Variants in TBC1D22A observed in about 807,000 individuals in gnomAD.
The protein encoded by TBC1D22A is putative GTPase activator.
A neutral mutation model predicts 60.2 loss-of-function variants in TBC1D22A; 38 were observed. The observed-to-expected ratio is 0.63, with a 90% CI of 0.49 to 0.83. The LOEUF (loss-of-function observed/expected upper bound fraction) is 0.83, where lower values mean the gene tolerates loss of function less well. Among genes scored for constraint, TBC1D22A ranks in the 40% least tolerant of loss-of-function variants. The probability of loss-of-function intolerance (pLI) is 0.00; values close to 1 mark genes in which losing one functional copy is unlikely to be tolerated. For missense variants in TBC1D22A, 628 were observed against 701.0 expected, an observed-to-expected ratio of 0.90 and a Z score of 1.18; for synonymous variants, 302 against 281.7, an observed-to-expected ratio of 1.07 and a Z score of -0.72.
chr22:46,871,941 A>G (rs1289112853), intron 4 of TBC1D22A, among the ~76,000 whole-genome samples: 1 of 152,164 alleles, frequency 6.6e-6, no homozygotes, highest in Non-Finnish European at 1.5e-5. Flanking sequence ...AGAAAAAGAG[A>G]AAAAACAAGT....
rs972174985 is a variant in TBC1D22A at position 47,056,169 on chromosome 22, T to TGGGCC, written c.1329+18981_1329+18985dup. Reference sequence around the variant, plus strand: ...TCTCAGGAAGAGTGTGTGTGGGTGGTGGGCCGGGCCGGGCTGGGTAACGCT... The same window carrying TGGGCC: ...TCTCAGGAAGAGTGTGTGTGGGTGGTGGGCCGGGCCGGGCCGGGCTGGGTAACGCT... On this transcript the variant is annotated intron_variant, in intron 11 of 12. Coordinates refer to ENST00000337137, the MANE Select transcript of TBC1D22A (RefSeq NM_014346.5). Among the ~76,000 whole-genome samples, 8 of 151,942 alleles carry TGGGCC rather than the reference T, an allele frequency of 5.3e-5. No individual in the cohort carries two copies. The South Asian group carries it at 8.3e-4, about 16-fold the overall frequency.
intron 12 of TBC1D22A, among the ~76,000 whole-genome samples, chr22:47,140,310 G>A (rs1322832149): frequency 2.6e-5 from 4 of 152,066 alleles, no homozygotes; most frequent in Non-Finnish European, 5.9e-5. Flanking sequence ...GGTGGCTCAC[G>A]CCTGTAATCC....
intron 12 of TBC1D22A, among the ~76,000 whole-genome samples, chr22:47,133,224 A>G (rs1477200243): frequency 9.9e-5 from 15 of 152,258 alleles, no homozygotes; most frequent in Non-Finnish European, 5.9e-5. Flanking sequence ...CTTAGAAACC[A>G]TAGCCAGTTT....
At chr22:46,834,685 A>T (rs2086444706) in intron 4 of TBC1D22A, among the ~76,000 whole-genome samples, 1 of 152,224 alleles carries the variant, frequency 6.6e-6, no homozygotes, top group Non-Finnish European at 1.5e-5. Context: ...ATGGAACTCA[A>T]CAAAGGGCTA....
chr22:47,104,817 CT>C (rs2065567883), intron 11 of TBC1D22A, among the ~76,000 whole-genome samples: 1 of 152,042 alleles, frequency 6.6e-6, no homozygotes, highest in Admixed American at 6.5e-5. Flanking sequence ...TGGACATTTC[CT>C]TTCTATTATC....
chr22:46,951,635 C>T (rs1487763203), intron 8 of TBC1D22A, among the ~76,000 whole-genome samples: 1 of 152,156 alleles, frequency 6.6e-6, no homozygotes, highest in Non-Finnish European at 1.5e-5. Context: ...GAGCTGAGCA[C>T]CTTGTGTCAG....
intron 4 of TBC1D22A, among the ~76,000 whole-genome samples, chr22:46,874,068 C>T (rs182547695): frequency 5.6e-4 from 86 of 152,282 alleles, no homozygotes; most frequent in African/African-American, 1.8e-3. Flanking sequence ...CCTCGGCCTC[C>T]CAAAGTGCTG....
chr22:47,062,107 AAGACAATGTGACAAT>A (rs1161357057), intron 11 of TBC1D22A, among the ~76,000 whole-genome samples: 1 of 151,344 alleles, frequency 6.6e-6, no homozygotes, highest in Non-Finnish European at 1.5e-5. Context: ...AAAAAAAAAA[AAGACAATGTGACAAT>A]GTCAGTCCTC....
At chr22:47,060,415 G>GT (rs993029426) in intron 11 of TBC1D22A, among the ~76,000 whole-genome samples, 33 of 151,254 alleles carry the variant, frequency 2.2e-4, no homozygotes, top group Admixed American at 4.6e-4. Context: ...CTAATTCGTT[G>GT]TTTTTTGTTG....
At position 47,126,075 on chromosome 22, in the gene TBC1D22A, A is replaced by G. The variant is rs538745723; in HGVS notation, c.1425+14472A>G. On this transcript the variant is annotated intron_variant, in intron 12 of 12. Transcript: ENST00000337137. ...TGGCTCACTGCAGCCTCCGCCTCCC[A>G]GGTTCAAGTGAGTCTTCCGTCTCAG... Among the ~76,000 whole-genome samples the G allele has an allele frequency of 8.3e-4, 126 of 152,144 alleles. 1 individual carries two copies. Among genetic ancestry groups the G allele is most frequent in the African/African-American group, 2.9e-3 (120 of 41,534 alleles).
chr22:47,044,324 C>G (rs2062960252), intron 11 of TBC1D22A, among the ~76,000 whole-genome samples: 1 of 152,228 alleles, frequency 6.6e-6, no homozygotes, highest in African/African-American at 2.4e-5. Context: ...TGCCTTTCCC[C>G]AGGAGTCCTT....
At chr22:47,090,920 T>G (rs1603256962) in intron 11 of TBC1D22A, among the ~76,000 whole-genome samples, 3 of 80,084 alleles carry the variant, frequency 3.7e-5, no homozygotes, top group East Asian at 4.1e-4. Flanking sequence ...TGGGGGGGTG[T>G]GGCCTCACGG....
chr22:47,172,963 G>T (rs2147242671), intron 12 of TBC1D22A, among the ~76,000 whole-genome samples: 1 of 152,362 alleles, frequency 6.6e-6, no homozygotes, highest in Admixed American at 6.5e-5. Context: ...TGCCCGGAGG[G>T]GTCTCCTGGT....
intron 5 of TBC1D22A, among the ~76,000 whole-genome samples, chr22:46,879,379 C>T (rs1049061676): frequency 2.0e-5 from 3 of 152,134 alleles, no homozygotes; most frequent in African/African-American, 7.2e-5. Context: ...TTGGCCCTGC[C>T]CACCATTTCA....
At chr22:47,121,570 A>G (rs1569458884) in intron 12 of TBC1D22A, among the ~76,000 whole-genome samples, 1 of 152,182 alleles carries the variant, frequency 6.6e-6, no homozygotes, top group Non-Finnish European at 1.5e-5. Flanking sequence ...ATATCGACAT[A>G]TGTAATACAG....
chr22:47,110,981 G>C (rs1297507068), intron 11 of TBC1D22A, among the ~76,000 whole-genome samples: 2 of 152,220 alleles, frequency 1.3e-5, no homozygotes, highest in African/African-American at 4.8e-5. Flanking sequence ...GGCGTGAGCC[G>C]TGTCCTTCCG....
intron 11 of TBC1D22A, among the ~76,000 whole-genome samples, chr22:47,080,372 C>T (rs1464016685): frequency 1.3e-5 from 2 of 151,928 alleles, no homozygotes; most frequent in South Asian, 2.1e-4. Context: ...TTTCCTGGGC[C>T]GTAAGACAAG....
chr22:46,988,576 G>A (rs1200851998), intron 9 of TBC1D22A, among the ~76,000 whole-genome samples: 3 of 152,226 alleles, frequency 2.0e-5, no homozygotes, highest in Admixed American at 1.3e-4. Flanking sequence ...GGGGGACCAG[G>A]TGCATTGTCC....
chr22:46,790,105 A>C (rs146014048), intron 1 of TBC1D22A, among the ~76,000 whole-genome samples: 1 of 152,234 alleles, frequency 6.6e-6, no homozygotes, highest in South Asian at 2.1e-4. Context: ...AGAATTTGCA[A>C]GTCTGATGTG....
Sources: allele counts gnomAD v4.1 joint callset (sites outside exome capture counted in the v4.1 genomes callset), GRCh38; gene constraint gnomAD v4.1.1; transcripts MANE v1.5; gene names NCBI Gene and HGNC (gene_info 2026-07-23, HGNC 2026-07-21).